Variants in LRP5 observed in about 807,000 individuals in gnomAD.
The protein encoded by LRP5 is LDL receptor related protein 5.
A neutral mutation model predicts 154.1 loss-of-function variants in LRP5; 62 were observed. The ratio of observed to expected loss-of-function variants is 0.40; its 90% CI spans 0.33 to 0.50. The LOEUF (loss-of-function observed/expected upper bound fraction) is 0.50. LRP5 is among the 20% of genes least tolerant of loss of function. The probability of loss-of-function intolerance (pLI) is 0.55; values close to 1 mark genes in which losing one functional copy is unlikely to be tolerated. For synonymous variants in LRP5, 966 were observed against 1,011.5 expected, an observed-to-expected ratio of 0.96 and a Z score of 0.85; for missense variants, 1,915 against 2,336.7, an observed-to-expected ratio of 0.82 and a Z score of 3.72.
At chr11:68,409,600 A>C (rs1230957457) in intron 9 of LRP5, among the ~76,000 whole-genome samples, 1 of 151,672 alleles carries the variant, frequency 6.6e-6, no homozygotes, top group African/African-American at 2.4e-5. Flanking sequence ...TAATCTCAGC[A>C]CTTTGGGAGG....
intron 3 of LRP5, 67 bp downstream of exon 3, chr11:68,357,914 T>A (rs1341018056): frequency 2.1e-6 from 3 of 1,441,982 alleles, no homozygotes; most frequent in Admixed American, 2.0e-5. Flanking sequence ...AAGGCGTTCC[T>A]TCTTAACTCA....
At chr11:68,350,933 C>T (rs1343984640) in intron 2 of LRP5, among the ~76,000 whole-genome samples, 4 of 151,878 alleles carry the variant, frequency 2.6e-5, no homozygotes, top group Admixed American at 6.6e-5. Flanking sequence ...TGCGTGCATA[C>T]GTGTGAGCCT....
At chr11:68,427,497 TA>T (rs1185312022) in intron 16 of LRP5, among the ~76,000 whole-genome samples, 1 of 152,126 alleles carries the variant, frequency 6.6e-6, no homozygotes, top group Admixed American at 6.5e-5. Context: ...CTGCCCAACA[TA>T]GTGAAATCCC....
At chr11:68,358,783 C>T (rs2098625335) in intron 3 of LRP5, among the ~76,000 whole-genome samples, 1 of 152,256 alleles carries the variant, frequency 6.6e-6, no homozygotes, top group African/African-American at 2.4e-5. Context: ...AGAAACATCC[C>T]TTCTGTGTAC....
intron 5 of LRP5, among the ~76,000 whole-genome samples, chr11:68,372,386 G>GGCGAGGAGGTGCA (rs2098634598): frequency 6.6e-6 from 1 of 150,964 alleles, no homozygotes; most frequent in Non-Finnish European, 1.5e-5. Flanking sequence ...GGACCGTGGT[G>GGCGAGGAGGTGCA]GTGTTGAGGA....
At chr11:68,359,380 C>T (rs867124765) in intron 3 of LRP5, among the ~76,000 whole-genome samples, 17 of 152,174 alleles carry the variant, frequency 1.1e-4, no homozygotes, top group South Asian at 2.1e-4. Context: ...TGCAGACCAG[C>T]GGGTCTGGTT....
In LRP5 at chr11:68,425,198, C is replaced by T. The variant is rs755416405; in HGVS notation, c.3333C>T (p.Leu1111=). The T allele has an allele frequency of 6.2e-7, 1 of 1,613,688 alleles. No individual in the cohort carries two copies. Among genetic ancestry groups the T allele is most frequent in the African/African-American group, 1.3e-5 (1 of 75,064 alleles). The part of the protein sequence containing the change: ...TEREVLFTTG[L]IRPVALVVDN... ...GCGAGGTCCTCTTCACCACCGGCCTCATCCGCCCTGTGGCCCTGGTGGTGG... is the reference window on the plus strand; with the variant it reads ...GCGAGGTCCTCTTCACCACCGGCCTTATCCGCCCTGTGGCCCTGGTGGTGG... Residue 1111 remains leucine (L), a synonymous_variant, in exon 15 of 23, where the codon CTC becomes CTT. Transcript: ENST00000294304.
Position 68,315,203 on chromosome 11 carries a change from A to G in LRP5, c.91+2398A>G, listed in dbSNP as rs372322269. Among the ~76,000 whole-genome samples the G allele has an allele frequency of 2.8e-4, 43 of 152,274 alleles. 1 individual carries two copies. In the South Asian group the frequency reaches 8.3e-3, roughly 29 times the overall value. On this transcript the variant is annotated intron_variant, in intron 1 of 22. Transcript: ENST00000294304. ...TCTCACCCCGTTCCTCTCCCAGGCT[A>G]TGGGGAGCCCTAACTGCCCTGTGTG...
At chr11:68,342,117 G>A (rs1462050487) in intron 1 of LRP5, among the ~76,000 whole-genome samples, 6 of 151,218 alleles carry the variant, frequency 4.0e-5, no homozygotes, top group Non-Finnish European at 7.4e-5. Context: ...GTAGAGATGC[G>A]GTCTTGCTGT....
At chr11:68,392,603 A>G (rs906757201) in intron 7 of LRP5, among the ~76,000 whole-genome samples, 1 of 152,198 alleles carries the variant, frequency 6.6e-6, no homozygotes, top group Non-Finnish European at 1.5e-5. Flanking sequence ...ATCTACTTCT[A>G]GAACACTTTC....
intron 13 of LRP5, 65 bp downstream of exon 13, chr11:68,416,592 G>C (rs2098662688): frequency 6.7e-7 from 1 of 1,496,118 alleles, no homozygotes. Flanking sequence ...TGGTTTCCAG[G>C]CTGCTGCCCC....
chr11:68,389,931 A>G lies in LRP5; in HGVS notation c.1463A>G (p.Asn488Ser). 6 of 1,614,242 alleles carry G rather than the reference A, an allele frequency of 3.7e-6. No individual in the cohort carries two copies. Among genetic ancestry groups the G allele is most frequent in the Non-Finnish European group, 5.1e-6 (6 of 1,180,034 alleles). The change falls in exon 7 of 23, where the codon AAC becomes AGC. Residue 488 changes from asparagine (N) to serine (S), a missense_variant. Asn to Ser is a conservative substitution (Grantham distance 46). This residue lies in a region of LRP5 where 773 missense variants were observed against 1,100.9 expected (regional missense o/e 0.70). Transcript: ENST00000294304. ...WGENPKIECA[N>S]LDGQERRVLV... ...GAGAACCCTAAAATCGAGTGTGCCA[A>G]CTTGGATGGGCAGGAGCGGCGTGTG... is the stretch of plus-strand genomic sequence containing the variant.
chr11:68,419,794 G>A (rs951169409), intron 13 of LRP5, among the ~76,000 whole-genome samples: 2 of 151,806 alleles, frequency 1.3e-5, no homozygotes, highest in Non-Finnish European at 2.9e-5. Context: ...CGCCCGCCTC[G>A]GCCTCCCAAA....
At chr11:68,307,708 C>T (rs1342494260), upstream of LRP5, among the ~76,000 whole-genome samples, 4 of 151,708 alleles carry the variant, frequency 2.6e-5, no homozygotes, top group African/African-American at 7.3e-5. Context: ...GTTCCAGCTA[C>T]TTGGGAGGCT....
In LRP5 at chr11:68,357,648, A is replaced by G; in HGVS notation, c.489-2A>G. ...GCTTCTCTTGCCCTGCCCCCGTCAC[A>G]GGTACATGTACTGGACAGACTGGGG... is the stretch of plus-strand genomic sequence containing the variant. On this transcript the variant is annotated splice_acceptor_variant, in intron 2 of 22. Transcript: ENST00000294304. LOFTEE classifies it high-confidence loss of function. The G allele has an allele frequency of 6.2e-7, 1 of 1,613,676 alleles. No homozygotes were observed. The highest frequency in any genetic ancestry group is 8.5e-7 in the Non-Finnish European group (1 of 1,179,782).
chr11:68,398,052 G>A (rs1051087564), intron 7 of LRP5, among the ~76,000 whole-genome samples: 2 of 150,358 alleles, frequency 1.3e-5, no homozygotes, highest in Admixed American at 1.3e-4. Context: ...TTTATTACAT[G>A]AAGCAAGATA....
At chr11:68,326,839 A>T (rs546150976) in intron 1 of LRP5, among the ~76,000 whole-genome samples, 5 of 152,310 alleles carry the variant, frequency 3.3e-5, no homozygotes, top group Middle Eastern at 3.4e-3. Context: ...GGAAGCCTTC[A>T]TGGTCCTCAT....
chr11:68,406,450 T>A, intron 8 of LRP5, 74 bp from the exon 9 acceptor site: 1 of 1,486,696 alleles, frequency 6.7e-7, no homozygotes, highest in East Asian at 2.3e-5. Context: ...CAGCATTCAT[T>A]GTGTGGCTTG....
chr11:68,304,082 C>CA, the LRP5 span, among the ~76,000 whole-genome samples: 6 of 152,264 alleles, frequency 3.9e-5, no homozygotes, highest in South Asian at 1.2e-3. Flanking sequence ...GCCTCAGAGG[C>CA]AAAAAGGCCT....
Sources: allele counts gnomAD v4.1 joint callset (sites outside exome capture counted in the v4.1 genomes callset), GRCh38; gene constraint gnomAD v4.1.1; regional missense constraint gnomAD v4.1.1; transcripts MANE v1.5; gene names NCBI Gene and HGNC (gene_info 2026-07-23, HGNC 2026-07-21).